Variants in FAT3 observed in about 807,000 individuals in gnomAD.
FAT3 encodes FAT atypical cadherin 3.
Under a neutral mutation model 310.2 loss-of-function variants are expected in FAT3, and 95 were observed. The ratio of observed to expected loss-of-function variants is 0.31; its 90% CI spans 0.26 to 0.36. The LOEUF is 0.36. Ranked by LOEUF, FAT3 falls within the 10% of genes least tolerant of loss-of-function variation. The pLI is 1.00. For synonymous variants in FAT3, 2,314 were observed against 2,192.9 expected (o/e 1.06, Z -1.54); for missense variants, 5,408 against 5,715.6 (o/e 0.95, Z 1.74).
intron 2 of FAT3, among the ~76,000 whole-genome samples, chr11:92,470,998 T>C (rs756612565): frequency 3.3e-5 from 5 of 152,194 alleles, no homozygotes; most frequent in Non-Finnish European, 7.3e-5. Context: ...GCAACCTGCT[T>C]TTTTCATTTG....
chr11:92,599,523 C>T (rs1449129348), intron 3 of FAT3, among the ~76,000 whole-genome samples: 1 of 152,118 alleles, frequency 6.6e-6, no homozygotes, highest in East Asian at 1.9e-4. Flanking sequence ...ACAGCCAAGC[C>T]ATATCAGAAA....
chr11:92,274,272 A>C (rs562000214), intron 1 of FAT3, among the ~76,000 whole-genome samples: 1 of 152,160 alleles, frequency 6.6e-6, no homozygotes, highest in East Asian at 1.9e-4. Context: ...CTTTTTTTGA[A>C]CAAATAAACC....
chr11:92,747,016 T>G (rs1945691407), intron 4 of FAT3, among the ~76,000 whole-genome samples: 1 of 152,174 alleles, frequency 6.6e-6, no homozygotes, highest in Non-Finnish European at 1.5e-5. Context: ...TGCAAGCTGT[T>G]GGTGGATCTA....
chr11:92,440,263 G>A (rs1038152513), intron 2 of FAT3, among the ~76,000 whole-genome samples: 15 of 152,310 alleles, frequency 9.8e-5, no homozygotes, highest in Admixed American at 9.8e-4. Flanking sequence ...GAGTAAAGGA[G>A]CAAGGCAGGG....
intron 1 of FAT3, among the ~76,000 whole-genome samples, chr11:92,263,074 A>G (rs1161603248): frequency 1.3e-5 from 2 of 151,740 alleles, no homozygotes; most frequent in African/African-American, 4.8e-5. Flanking sequence ...GATCTCATCT[A>G]CCTGGGAATC....
intron 22 of FAT3, among the ~76,000 whole-genome samples, chr11:92,877,656 C>G (rs941724923): frequency 6.6e-6 from 1 of 152,112 alleles, no homozygotes; most frequent in Non-Finnish European, 1.5e-5. Context: ...GTTGCTGAGC[C>G]CCATTAATGT....
At chr11:92,683,550 T>C (rs1361585099) in intron 3 of FAT3, among the ~76,000 whole-genome samples, 1 of 152,172 alleles carries the variant, frequency 6.6e-6, no homozygotes, top group African/African-American at 2.4e-5. Context: ...GCTTCACCCC[T>C]CTGTCCCCCA....
rs560784739 is a variant in FAT3, at chr11:92,582,119, G to A, written c.3607+57171G>A. ...GTCATGGCATCTGTTAACGGTCATG[G>A]CACTGGTGGGAGTATAACAGTGAGG... On this transcript the variant is annotated intron_variant, in intron 3 of 27. Coordinates refer to ENST00000525166, the MANE Select transcript of FAT3 (RefSeq NM_001367949.2). Among the ~76,000 whole-genome samples the A allele has an allele frequency of 2.0e-5, 3 of 151,944 alleles. No individual in the cohort carries two copies. The South Asian group carries it at 6.3e-4, about 32-fold the overall frequency.
chr11:92,687,153 T>C (rs966632779), intron 3 of FAT3, among the ~76,000 whole-genome samples: 3 of 152,208 alleles, frequency 2.0e-5, no homozygotes, highest in Non-Finnish European at 1.5e-5. Flanking sequence ...CTGCTTTTTG[T>C]AGATACTGTG....
At chr11:92,706,742 T>G (rs557283942) in intron 4 of FAT3, among the ~76,000 whole-genome samples, 42 of 152,350 alleles carry the variant, frequency 2.8e-4, no homozygotes, top group Non-Finnish European at 5.1e-4. Flanking sequence ...GTTTCTTATC[T>G]TCCCTTCACC....
At chr11:92,640,609 G>C (rs1156942661) in intron 3 of FAT3, among the ~76,000 whole-genome samples, 1 of 152,192 alleles carries the variant, frequency 6.6e-6, no homozygotes, top group African/African-American at 2.4e-5. Flanking sequence ...ATTGCTGTAA[G>C]TTTCATGCCA....
At chr11:92,794,453 A>G (rs2136167774) in intron 9 of FAT3, among the ~76,000 whole-genome samples, 1 of 152,280 alleles carries the variant, frequency 6.6e-6, no homozygotes, top group African/African-American at 2.4e-5. Context: ...TCTAAACATT[A>G]GCTGTGTGTC....
intron 3 of FAT3, among the ~76,000 whole-genome samples, chr11:92,646,278 G>C (rs947116396): frequency 6.6e-6 from 1 of 152,178 alleles, no homozygotes; most frequent in African/African-American, 2.4e-5. Flanking sequence ...GTTAACAAAA[G>C]TACCTGCATG....
chr11:92,382,963 G>A (rs1417738635), intron 2 of FAT3, among the ~76,000 whole-genome samples: 1 of 152,112 alleles, frequency 6.6e-6, no homozygotes, highest in East Asian at 1.9e-4. Flanking sequence ...GCATCCATTC[G>A]CTATTCTTCC....
At chr11:92,438,344 T>G (rs1312943300) in intron 2 of FAT3, among the ~76,000 whole-genome samples, 1 of 152,168 alleles carries the variant, frequency 6.6e-6, no homozygotes, top group African/African-American at 2.4e-5. Context: ...GAGTTATTTC[T>G]TCATTCAAAG....
chr11:92,466,990 C>T (rs558494257), intron 2 of FAT3, among the ~76,000 whole-genome samples: 568 of 152,124 alleles, frequency 3.7e-3, no homozygotes, highest in Non-Finnish European at 5.7e-3. Flanking sequence ...CATTGTTGGA[C>T]ATTTGGCTTG....
At chr11:92,743,373 T>C (rs1304595599) in intron 4 of FAT3, among the ~76,000 whole-genome samples, 1 of 152,140 alleles carries the variant, frequency 6.6e-6, no homozygotes, top group African/African-American at 2.4e-5. Context: ...AGAATGGCAT[T>C]GGGTGAGGCA....
At position 92,524,920 on chromosome 11, in the gene FAT3, G is replaced by A; in HGVS notation, c.3579G>A (p.Gln1193=). The A allele has an allele frequency of 6.2e-7, 1 of 1,613,590 alleles. No individual in the cohort carries two copies. Among genetic ancestry groups the A allele is most frequent in the Non-Finnish European group, 8.5e-7 (1 of 1,179,694 alleles). Residue 1193 remains glutamine, a synonymous_variant, in exon 3 of 28, where the codon CAG becomes CAA. Coordinates refer to ENST00000525166, the MANE Select transcript of FAT3 (RefSeq NM_001367949.2). ...LTYRITSGNP[Q]NFFAINIKTG... ...ACAGGATTACAAGTGGAAATCCTCA[G>A]AATTTTTTTGCCATCAATATCAAAA...
At position 92,832,023 on chromosome 11, in the gene FAT3, G is replaced by C; in HGVS notation, c.9871+12G>C. On this transcript the variant is annotated intron_variant, in intron 14 of 27. Transcript: ENST00000525166. ...CAACCCCAAGACAGGTGGGTAAATA[G>C]CACTGTACTTAGAATACAGAGCTTC... The C allele has an allele frequency of 6.5e-7, 1 of 1,527,862 alleles. No individual in the cohort carries two copies. Among genetic ancestry groups the C allele is most frequent in the Non-Finnish European group, 8.8e-7 (1 of 1,138,522 alleles). The allele number at this position is 1,527,862 out of a possible 1,614,324, so 94.6% of individuals were successfully genotyped here. A position where few individuals can be genotyped will look rare whatever the true frequency, so the allele number is the denominator to read the frequency against.
Sources: gnomAD v4.1 joint callset for allele counts (sites outside exome capture counted in the v4.1 genomes callset) on GRCh38, gnomAD v4.1.1 for gene constraint, MANE v1.5 for transcripts, NCBI Gene and HGNC (gene_info 2026-07-23, HGNC 2026-07-21) for gene names.